SPNS3: variants seen among roughly 807,000 people sequenced by gnomAD.
SPNS3 encodes SPNS lysolipid transporter 3, sphingosine-1-phosphate (putative).
Under a neutral mutation model 54.4 loss-of-function variants are expected in SPNS3, and 51 were observed. The observed-to-expected ratio is 0.94, with a 90% CI of 0.75 to 1.18. The LOEUF is 1.18. Ranked by LOEUF, SPNS3 falls within the 50% of genes most tolerant of loss-of-function variation. The pLI is 0.00. For missense variants in SPNS3, 669 were observed against 677.4 expected, an observed-to-expected ratio of 0.99 and a Z score of 0.14; for synonymous variants, 309 against 294.7, an observed-to-expected ratio of 1.05 and a Z score of -0.50.
intron 3 of SPNS3, among the ~76,000 whole-genome samples, 199 bp from the exon 4 acceptor site, chr17:4,445,849 G>A (rs1383563327): frequency 6.6e-6 from 1 of 152,080 alleles, no homozygotes; most frequent in East Asian, 1.9e-4. Flanking sequence ...CCCTGGGCAG[G>A]GGGGCAGGTG....
rs117040424 is a variant in SPNS3 at position 4,474,392 on chromosome 17, G to A, written c.1114-4180G>A. Among the ~76,000 whole-genome samples the A allele has an allele frequency of 1.2e-4, 18 of 152,282 alleles. No individual in the cohort carries two copies. In the East Asian group the frequency reaches 2.7e-3, roughly 23 times the overall value. On this transcript the variant is annotated intron_variant, in intron 8 of 11. Coordinates refer to ENST00000355530, the MANE Select transcript of SPNS3 (RefSeq NM_182538.5). ...CCTGACTGGCTCAGGCAAAGAGATC[G>A]TCCGTGAGGGAGGAGGTTTGGGTCT...
chr17:4,487,373 G>C (rs541272430), intron 11 of SPNS3, among the ~76,000 whole-genome samples: 29 of 152,294 alleles, frequency 1.9e-4, no homozygotes, highest in African/African-American at 6.5e-4. Flanking sequence ...GATCAGCAAG[G>C]AGGCCAGTGT....
intron 1 of SPNS3, among the ~76,000 whole-genome samples, chr17:4,435,801 TCAC>T (rs1970701659): frequency 6.6e-6 from 1 of 151,300 alleles, no homozygotes; most frequent in African/African-American, 2.4e-5. Flanking sequence ...GCGTGGTGGC[TCAC>T]GCCTGTAATC....
At chr17:4,451,010 T>A (rs1597314043) in intron 7 of SPNS3, among the ~76,000 whole-genome samples, 1 of 152,134 alleles carries the variant, frequency 6.6e-6, no homozygotes, top group East Asian at 1.9e-4. Flanking sequence ...AGCTGGGGCA[T>A]GTCCTCTGGC....
intron 8 of SPNS3, among the ~76,000 whole-genome samples, chr17:4,455,562 GC>G (rs1368489536): frequency 3.3e-5 from 5 of 152,248 alleles, no homozygotes; most frequent in Middle Eastern, 3.4e-3. Flanking sequence ...AGGCTGTCTT[GC>G]CCCGGTAGGC....
intron 7 of SPNS3, 26 bp downstream of exon 7, chr17:4,449,413 A>G (rs544987895): frequency 6.4e-7 from 1 of 1,555,236 alleles, no homozygotes; most frequent in Admixed American, 2.1e-5. Context: ...GGCCCTGGGC[A>G]CCTGGCCCGG....
chr17:4,434,294 C>T (rs1970659203), intron 1 of SPNS3, 128 bp downstream of exon 1: 2 of 883,688 alleles, frequency 2.3e-6, no homozygotes, highest in Non-Finnish European at 3.4e-6. Context: ...GGTGTTCTCA[C>T]CTCTAGAGGT....
chr17:4,445,375 C>CTTTT (rs150794166), intron 3 of SPNS3, among the ~76,000 whole-genome samples: 1 of 142,142 alleles, frequency 7.0e-6, no homozygotes, highest in Non-Finnish European at 1.5e-5. Flanking sequence ...AGCTGGTGGA[C>CTTTT]TTTTTTTTTT....
intron 8 of SPNS3, among the ~76,000 whole-genome samples, chr17:4,459,495 T>A (rs552820991): frequency 1.3e-5 from 2 of 152,206 alleles, no homozygotes; most frequent in South Asian, 4.1e-4. Flanking sequence ...GCGGATCACC[T>A]GAGGTCAGGA....
At chr17:4,441,628 C>T (rs896663876) in intron 2 of SPNS3, among the ~76,000 whole-genome samples, 1 of 151,900 alleles carries the variant, frequency 6.6e-6, no homozygotes, top group Middle Eastern at 3.2e-3. Context: ...CGGAGTTTTG[C>T]TCTTATTGCT....
At chr17:4,478,496 C>A in intron 8 of SPNS3, 76 bp from the exon 9 acceptor site, 3 of 1,368,504 alleles carry the variant, frequency 2.2e-6, no homozygotes, top group Non-Finnish European at 2.0e-6. Context: ...TCTCTCCTCT[C>A]CACAGGTGGG....
intron 1 of SPNS3, among the ~76,000 whole-genome samples, chr17:4,438,502 C>T (rs970295463): frequency 6.6e-6 from 1 of 152,150 alleles, no homozygotes; most frequent in African/African-American, 2.4e-5. Context: ...TGCTGCAGAC[C>T]CCGACCCTTT....
chr17:4,445,397 C>T (rs1364361259), intron 3 of SPNS3, among the ~76,000 whole-genome samples: 4 of 145,792 alleles, frequency 2.7e-5, no homozygotes, highest in Non-Finnish European at 4.5e-5. Context: ...TTTTTTGAGA[C>T]AGAATTTCGC....
intron 8 of SPNS3, among the ~76,000 whole-genome samples, chr17:4,458,617 C>CT (rs1555530826): frequency 3.6e-5 from 4 of 110,520 alleles, no homozygotes; most frequent in Non-Finnish European, 5.7e-5. Context: ...TTCTTTCTTT[C>CT]TTTCTTTCTT....
chr17:4,458,526 G>GCCTTCCTT (rs375358903), intron 8 of SPNS3, among the ~76,000 whole-genome samples: 1 of 57,902 alleles, frequency 1.7e-5, no homozygotes. Flanking sequence ...CCTCCCACCC[G>GCCTTCCTT]CCTTCCTTCC....
chr17:4,481,559 G>C (rs333127), intron 9 of SPNS3, among the ~76,000 whole-genome samples: 22,194 of 152,200 alleles, frequency 0.15, 1,682 homozygotes, highest in Middle Eastern at 0.21. Flanking sequence ...GGTGGAAACT[G>C]CAGGTGTCTG....
intron 8 of SPNS3, among the ~76,000 whole-genome samples, chr17:4,468,048 G>A (rs927077018): frequency 8.5e-5 from 13 of 152,220 alleles, no homozygotes; most frequent in Non-Finnish European, 1.6e-4. Context: ...TTCATACAAA[G>A]TGTGAATGTC....
intron 8 of SPNS3, among the ~76,000 whole-genome samples, chr17:4,470,628 G>C (rs146163566): frequency 6.6e-6 from 1 of 151,872 alleles, no homozygotes; most frequent in Admixed American, 6.6e-5. Context: ...TCCCCAGCCC[G>C]GGCCCTAGGC....
chr17:4,446,221 A>G (rs761888929), intron 4 of SPNS3, 22 bp downstream of exon 4: 11 of 1,593,474 alleles, frequency 6.9e-6, no homozygotes, highest in East Asian at 4.5e-5. Context: ...CCGTGGGTCT[A>G]CTTCCCCAGG....
Sources: allele counts gnomAD v4.1 joint callset (sites outside exome capture counted in the v4.1 genomes callset), GRCh38; gene constraint gnomAD v4.1.1; transcripts MANE v1.5; gene names NCBI Gene and HGNC (gene_info 2026-07-23, HGNC 2026-07-21).